Variants in CHLSN observed in about 807,000 individuals in gnomAD.
The protein encoded by CHLSN is protein cholesin.
the CHLSN span, among the ~76,000 whole-genome samples, chr7:1,055,782 C>T: frequency 0.11 from 17,438 of 152,188 alleles, 1,230 homozygotes; most frequent in Middle Eastern, 0.26. Flanking sequence ...AGCCCTCCCG[C>T]TCCGATCTTC....
the CHLSN span, among the ~76,000 whole-genome samples, chr7:1,116,369 G>A: frequency 4.5e-5 from 6 of 131,920 alleles, no homozygotes; most frequent in African/African-American, 1.5e-4. Flanking sequence ...CAGCTCTAGG[G>A]ACAGCTTCCA....
At chr7:1,077,856 G>C in the CHLSN span, 1 of 152,256 alleles carries the variant, frequency 6.6e-6, no homozygotes, top group Non-Finnish European at 1.5e-5. Flanking sequence ...CTGGCCTTGG[G>C]CAGAGGGAAA....
At chr7:1,043,291 C>A in the CHLSN span, 1 of 152,208 alleles carries the variant, frequency 6.6e-6, no homozygotes, top group African/African-American at 2.4e-5. Flanking sequence ...CGTACTCTCA[C>A]TTTATCATCT....
the CHLSN span, among the ~76,000 whole-genome samples, chr7:1,121,239 C>T: frequency 2.0e-5 from 3 of 151,734 alleles, no homozygotes; most frequent in African/African-American, 7.3e-5. Context: ...ATTCAGTCGG[C>T]AGACAACCCG....
At chr7:1,022,750 C>G in the CHLSN span, among the ~76,000 whole-genome samples, 1 of 152,214 alleles carries the variant, frequency 6.6e-6, no homozygotes, top group Admixed American at 6.5e-5. Context: ...TGAATCCCCC[C>G]CAACCGTCCT....
chr7:1,076,510 C>A, the CHLSN span, among the ~76,000 whole-genome samples: 1 of 152,224 alleles, frequency 6.6e-6, no homozygotes, highest in Non-Finnish European at 1.5e-5. Flanking sequence ...AGCCTGCAGG[C>A]GGACTGGGCA....
At chr7:1,010,873 A>T in the CHLSN span, among the ~76,000 whole-genome samples, 1 of 152,060 alleles carries the variant, frequency 6.6e-6, no homozygotes. Context: ...GAAAAGTCAG[A>T]ACATCAGTGT....
chr7:1,019,388 T>G, the CHLSN span, among the ~76,000 whole-genome samples: 1 of 152,060 alleles, frequency 6.6e-6, no homozygotes, highest in Non-Finnish European at 1.5e-5. Flanking sequence ...CATGCCAGGT[T>G]GTTGATCACC....
At chr7:1,000,561 G>A in the CHLSN span, 1 of 1,599,642 alleles carries the variant, frequency 6.3e-7, no homozygotes, top group Non-Finnish European at 8.5e-7. Context: ...TCTAGGGAAA[G>A]AAAGACAAAC....
the CHLSN span, among the ~76,000 whole-genome samples, chr7:1,020,616 T>C: frequency 0.045 from 6,891 of 152,214 alleles, 526 homozygotes; most frequent in African/African-American, 0.16. Flanking sequence ...ACCAAGATGA[T>C]GTAAGGAAAT....
chr7:1,093,201 G>C, the CHLSN span: 1 of 517,180 alleles, frequency 1.9e-6, no homozygotes, highest in South Asian at 1.5e-5. Context: ...TGACACCGTC[G>C]ACCAGGAAAG....
At chr7:990,689 G>A in the CHLSN span, among the ~76,000 whole-genome samples, 4 of 152,132 alleles carry the variant, frequency 2.6e-5, no homozygotes, top group Non-Finnish European at 4.4e-5. Flanking sequence ...GGCTGCGTCC[G>A]CTCACCTATT....
At chr7:1,118,799 CAAA>C in the CHLSN span, among the ~76,000 whole-genome samples, 7 of 76,250 alleles carry the variant, frequency 9.2e-5, no homozygotes, top group African/African-American at 2.4e-4. Context: ...CCATCTCTAC[CAAA>C]AAAAAAAAAA....
At chr7:988,740 C>G in the CHLSN span, 11 of 1,599,318 alleles carry the variant, frequency 6.9e-6, no homozygotes, top group Non-Finnish European at 6.8e-6. Context: ...GGCGTCAGTC[C>G]GGCCTCCCTG....
At chr7:997,690 C>G in the CHLSN span, 6 of 1,610,788 alleles carry the variant, frequency 3.7e-6, no homozygotes, top group Non-Finnish European at 5.1e-6. Flanking sequence ...GGATCAGAGC[C>G]CTCCTCATCC....
the CHLSN span, among the ~76,000 whole-genome samples, chr7:1,097,150 TCA>T: frequency 6.6e-6 from 1 of 152,084 alleles, no homozygotes; most frequent in African/African-American, 2.4e-5. The surrounding 1 kb of genome is among the most constrained non-coding windows in gnomAD (Gnocchi z 4.3). Flanking sequence ...GTTTGAACAC[TCA>T]CAGACACACG....
chr7:1,092,688 C>T, the CHLSN span: 1 of 1,613,500 alleles, frequency 6.2e-7, no homozygotes, highest in Non-Finnish European at 8.5e-7. Flanking sequence ...GCTGCCTAAA[C>T]CCCCTCATCT....
chr7:1,117,388 CAACGCCCACGCAGGAT>C, the CHLSN span, among the ~76,000 whole-genome samples: 65 of 103,350 alleles, frequency 6.3e-4, 4 homozygotes, highest in African/African-American at 3.5e-3. Context: ...CTTCCATCAC[CAACGCCCACGCAGGAT>C]GACATCACTG....
chr7:1,061,123 TC>T, the CHLSN span, among the ~76,000 whole-genome samples: 2 of 152,104 alleles, frequency 1.3e-5, no homozygotes, highest in African/African-American at 4.8e-5. Flanking sequence ...CATCCAACTA[TC>T]CTCCCCAAAG....
Sources: gnomAD v4.1 joint callset for allele counts (sites outside exome capture counted in the v4.1 genomes callset) on GRCh38, gnomAD v4.1.1 for gene constraint, Gnocchi (gnomAD v3.1) non-coding constraint, MANE v1.5 for transcripts, NCBI Gene and HGNC (gene_info 2026-07-23, HGNC 2026-07-21) for gene names.